ABCA13: variants seen among roughly 807,000 people sequenced by gnomAD.
ABCA13 encodes ATP-binding cassette sub-family A member 13.
In ABCA13, 476 loss-of-function variants were observed where a neutral mutation model predicts 478.7. The ratio of observed to expected loss-of-function variants is 0.99; its 90% CI spans 0.92 to 1.07. The LOEUF is 1.07. Ranked by LOEUF, ABCA13 falls within the 50% of genes least tolerant of loss-of-function variation. ABCA13 has a pLI of 0.00. For missense variants in ABCA13, 6,060 were observed against 5,910.6 expected (o/e 1.03, Z -0.83); for synonymous variants, 2,252 against 2,158.9 (o/e 1.04, Z -1.20).
intron 55 of ABCA13, among the ~76,000 whole-genome samples, chr7:48,557,426 C>CT (rs926410844): frequency 2.3e-4 from 35 of 150,966 alleles, no homozygotes; most frequent in Non-Finnish European, 7.4e-5. Context: ...CTGGGAAAGT[C>CT]TTTTTTTTTC....
At chr7:48,445,236 T>A (rs921884412) in intron 42 of ABCA13, among the ~76,000 whole-genome samples, 4 of 152,162 alleles carry the variant, frequency 2.6e-5, no homozygotes, top group Non-Finnish European at 5.9e-5. Context: ...CTTGAACTCC[T>A]GACCTCAGGT....
chr7:48,472,989 C>T (rs1346237783), intron 45 of ABCA13, among the ~76,000 whole-genome samples: 2 of 152,142 alleles, frequency 1.3e-5, no homozygotes, highest in African/African-American at 4.8e-5. Flanking sequence ...GGAGGCCTCA[C>T]AATCATGGTG....
intron 8 of ABCA13, among the ~76,000 whole-genome samples, chr7:48,234,902 T>G (rs1789716942): frequency 6.6e-6 from 1 of 152,216 alleles, no homozygotes; most frequent in South Asian, 2.1e-4. Context: ...TCTCTTCCAT[T>G]AGGATCTCAG....
intron 31 of ABCA13, among the ~76,000 whole-genome samples, chr7:48,366,351 A>G (rs533126464): frequency 5.7e-4 from 87 of 152,036 alleles, no homozygotes; most frequent in African/African-American, 2.1e-3. Flanking sequence ...CAGCTCAGCT[A>G]ATCACCCTGT....
Position 48,317,291 on chromosome 7 carries a change from C to A in ABCA13, c.9994C>A (p.Gln3332Lys), listed in dbSNP as rs1172327097. The A allele has an allele frequency of 6.2e-7, 1 of 1,612,152 alleles. No individual in the cohort carries two copies. The highest frequency in any genetic ancestry group is 1.3e-5 in the African/African-American group (1 of 74,870). Reference sequence around the variant, plus strand: ...CACTCCAGAAATTAACAAGGTCATTCAAAAGGTAAGTTAAAATAAATGAGA... The same window carrying A: ...CACTCCAGAAATTAACAAGGTCATTAAAAAGGTAAGTTAAAATAAATGAGA... ...PNTPEINKVIQKANYTFYIVD... is the reference protein window; with the variant it reads ...PNTPEINKVIKKANYTFYIVD... Residue 3332 changes from glutamine (Q) to lysine (K), a missense_variant, in exon 27 of 62, where the codon CAA (glutamine) becomes AAA (lysine). Gln to Lys is a moderately conservative substitution (Grantham distance 53). Transcript: ENST00000435803.
chr7:48,279,505 C>A lies in ABCA13; in HGVS notation c.8311C>A (p.Leu2771Ile), dbSNP rs577917720. Residue 2771 changes from leucine (L) to isoleucine (I), a missense_variant, in exon 18 of 62, where the codon CTT becomes ATT. By Grantham distance (5) the Leu-to-Ile change is conservative. Around this residue, in one of 3 missense-constraint regions of ABCA13, gnomAD observed 4,423 missense variants for 4,309.1 expected, o/e 1.03. Transcript: ENST00000435803. ...GACATTTACTCAGCATCCAAATAAC[C>A]TTTTGAAAACCATAGAAACAGTTTT... Reference protein sequence around the residue: ...LMTFTQHPNNLLKTIETVLEA... With the variant: ...LMTFTQHPNNILKTIETVLEA... The A allele has an allele frequency of 1.2e-5, 19 of 1,613,034 alleles. No individual in the cohort carries two copies. In the East Asian group the frequency reaches 2.7e-4, roughly 23 times the overall value.
rs1407921818 is a variant in ABCA13, at chr7:48,219,501, T to A, written c.435T>A (p.Thr145=). The part of the protein sequence containing the change: ...LKRLWVERSN[T]PDSSYGSSFF... ...GACTTTGGGTAGAACGATCCAACAC[T>A]CCAGGCAAGTAAACCTCTCATAACT... The change falls in exon 4 of 62, where the codon ACT becomes ACA. Residue 145 remains threonine, a synonymous_variant. Coordinates refer to ENST00000435803, the MANE Select transcript of ABCA13 (RefSeq NM_152701.5). 6.2e-7 allele frequency: 1 copy of A among 1,607,858 alleles called. No homozygotes were observed. Among genetic ancestry groups the A allele is most frequent in the Non-Finnish European group, 8.5e-7 (1 of 1,178,076 alleles).
chr7:48,523,192 A>G (rs1832671431), intron 53 of ABCA13, among the ~76,000 whole-genome samples: 1 of 152,086 alleles, frequency 6.6e-6, no homozygotes, highest in African/African-American at 2.4e-5. Context: ...TGAACGTTAT[A>G]TAAATGAGGT....
chr7:48,293,192 G>GCCCCCCCCCCCCCCCCCCC (rs367570188), intron 20 of ABCA13, among the ~76,000 whole-genome samples: 5 of 108,276 alleles, frequency 4.6e-5, no homozygotes, highest in African/African-American at 1.5e-4. Context: ...GAAGTCTTCA[G>GCCCCCCCCCCCCCCCCCCC]CCCCCCCCCC....
chr7:48,489,399 A>G (rs1829645125), intron 48 of ABCA13, 55 bp downstream of exon 48: 1 of 1,425,220 alleles, frequency 7.0e-7, no homozygotes, highest in Non-Finnish European at 9.6e-7. Context: ...CAATGTTTTT[A>G]AAAGTGAAAG....
chr7:48,537,329 TA>T (rs111660551), intron 55 of ABCA13, among the ~76,000 whole-genome samples: 2,897 of 152,294 alleles, frequency 0.019, 95 homozygotes, highest in African/African-American at 0.066. Context: ...ACCTTGATCC[TA>T]AAAATGTAAT....
In ABCA13 at chr7:48,380,521, T is replaced by A. The variant is rs950266074; in HGVS notation, c.11335+3949T>A. On this transcript the variant is annotated intron_variant, in intron 35 of 61. Coordinates refer to ENST00000435803, the MANE Select transcript of ABCA13 (RefSeq NM_152701.5). ...GTATACTGAAACTGCACGGAAACTT[T>A]GAGTTTATATGTCCTAGGCTCAATA... is the stretch of plus-strand genomic sequence containing the variant. 2.0e-5 allele frequency among the ~76,000 whole-genome samples: 3 copies of A among 152,316 alleles called. No individual in the cohort carries two copies. The South Asian group carries it at 6.2e-4, about 32-fold the overall frequency.
chr7:48,602,628 T>A (rs1791025840), intron 58 of ABCA13, among the ~76,000 whole-genome samples: 1 of 152,088 alleles, frequency 6.6e-6, no homozygotes, highest in Non-Finnish European at 1.5e-5. Flanking sequence ...TTACCATAGC[T>A]TTGTAGTATA....
Position 48,171,483 on chromosome 7 carries a change from C to T in ABCA13, c.-1C>T, listed in dbSNP as rs1213393173. 2.2e-5 allele frequency: 34 copies of T among 1,536,108 alleles called. No homozygotes were observed. Among genetic ancestry groups the T allele is most frequent in the Non-Finnish European group, 3.0e-5 (34 of 1,146,900 alleles). On this transcript the variant is annotated 5_prime_UTR_variant, in exon 1 of 62. Transcript: ENST00000435803. ...CTGACTGAGAGCAGGGAGCAGCAGG[C>T]ATGGGGCATGCCGGGTGCCAGTTCA...
intron 45 of ABCA13, among the ~76,000 whole-genome samples, chr7:48,479,252 T>C (rs537975325): frequency 2.6e-5 from 4 of 151,140 alleles, no homozygotes; most frequent in Non-Finnish European, 4.4e-5. Context: ...TTTTTCCTTT[T>C]TTTGAGACAG....
chr7:48,321,874 C>T lies in ABCA13; in HGVS notation c.9999+4578C>T, dbSNP rs571137919. Among the ~76,000 whole-genome samples, 21 of 152,268 alleles carry T rather than the reference C, an allele frequency of 1.4e-4. No homozygotes were observed. The South Asian group carries it at 2.5e-3, about 18-fold the overall frequency. ...CCTGGCAGCACCACAGACAGGCAGA[C>T]GAGGCACATGGCTGTGGGAGTCCTG... On this transcript the variant is annotated intron_variant, in intron 27 of 61. Coordinates refer to ENST00000435803, the MANE Select transcript of ABCA13 (RefSeq NM_152701.5).
chr7:48,548,720 T>A (rs1266647352), intron 55 of ABCA13, among the ~76,000 whole-genome samples: 1 of 151,746 alleles, frequency 6.6e-6, no homozygotes, highest in Admixed American at 6.6e-5. Context: ...GGAGACCTTA[T>A]CTCCCTTTCA....
At chr7:48,362,602 C>T (rs1019008457) in intron 31 of ABCA13, among the ~76,000 whole-genome samples, 1 of 151,046 alleles carries the variant, frequency 6.6e-6, no homozygotes, top group Non-Finnish European at 1.5e-5. Context: ...TATAGTCTTG[C>T]CTCTATCTTG....
intron 59 of ABCA13, among the ~76,000 whole-genome samples, chr7:48,629,560 T>A (rs1793973118): frequency 1.2e-5 from 1 of 82,624 alleles, no homozygotes; most frequent in African/African-American, 4.7e-5. Flanking sequence ...TCCTAAAGCA[T>A]CAGTTACATT....
Sources: allele counts gnomAD v4.1 joint callset (sites outside exome capture counted in the v4.1 genomes callset), GRCh38; gene constraint gnomAD v4.1.1; regional missense constraint gnomAD v4.1.1; transcripts MANE v1.5; gene names NCBI Gene and HGNC (gene_info 2026-07-23, HGNC 2026-07-21).